Variants in R3HDM1 observed in about 807,000 individuals in gnomAD.
R3HDM1 encodes R3H domain containing 1, also known as R3H domain-containing protein 1.
R3HDM1 carries 46 observed loss-of-function variants against 141.1 expected under a neutral mutation model. The observed-to-expected ratio is 0.33, with a 90% CI of 0.26 to 0.42. R3HDM1 has a LOEUF of 0.42. Among genes scored for constraint, R3HDM1 ranks in the 10% least tolerant of loss-of-function variants. R3HDM1 has a pLI of 1.00. For missense variants in R3HDM1, 1,184 were observed against 1,368.3 expected, an observed-to-expected ratio of 0.87 and a Z score of 2.12; for synonymous variants, 435 against 472.9, an observed-to-expected ratio of 0.92 and a Z score of 1.04.
At chr2:135,576,624 G>C (rs891604534) in intron 1 of R3HDM1, among the ~76,000 whole-genome samples, 2 of 152,110 alleles carry the variant, frequency 1.3e-5, no homozygotes, top group Non-Finnish European at 2.9e-5. Context: ...ACTGATAATT[G>C]GATAAGCAGA....
intron 1 of R3HDM1, among the ~76,000 whole-genome samples, chr2:135,575,785 A>T (rs1292743219): frequency 7.9e-5 from 12 of 152,220 alleles, no homozygotes; most frequent in Non-Finnish European, 1.5e-5. Flanking sequence ...TTTGAATAGG[A>T]TGGCTCATCA....
intron 1 of R3HDM1, chr2:135,566,039 T>C (rs1045786207): frequency 6.6e-6 from 1 of 152,246 alleles, no homozygotes; most frequent in African/African-American, 2.4e-5. Flanking sequence ...CTAGCCGACA[T>C]GCAAGCCCTG....
At position 135,664,354 on chromosome 2, in the gene R3HDM1, GT is replaced by G. The variant is rs372910003; in HGVS notation, c.2152+2970del. ...CTTACCCCACAGTGTCAAGAAGCATGTTTTTTTTTAATTACATAAAAGGGTG... is the reference window on the plus strand; with the variant it reads ...CTTACCCCACAGTGTCAAGAAGCATGTTTTTTTTAATTACATAAAAGGGTG... On this transcript the variant is annotated intron_variant, in intron 19 of 26. Transcript: ENST00000683871. Among the ~76,000 whole-genome samples, 608 of 150,916 alleles carry G rather than the reference GT, an allele frequency of 4.0e-3. 7 individuals carry two copies. Among genetic ancestry groups the G allele is most frequent in the South Asian group, 0.034 (161 of 4,770 alleles).
chr2:135,556,001 A>AC, intron 1 of R3HDM1, among the ~76,000 whole-genome samples: 1 of 152,222 alleles, frequency 6.6e-6, no homozygotes, highest in Non-Finnish European at 1.5e-5. Flanking sequence ...GTGCAGTGGA[A>AC]CAAGACCCTG....
rs549666192 is a variant in R3HDM1, at chr2:135,653,228, C to T, written c.2028+1196C>T. Among the ~76,000 whole-genome samples the T allele has an allele frequency of 9.2e-5, 14 of 152,112 alleles. No homozygotes were observed. The East Asian group carries it at 1.9e-3, about 21-fold the overall frequency. Reference sequence around the variant, plus strand: ...AAAATTAGCTGGGCGTGGTGGTGCACGCCTGTAATCCCAACTACTGGAGAG... The same window carrying T: ...AAAATTAGCTGGGCGTGGTGGTGCATGCCTGTAATCCCAACTACTGGAGAG... On this transcript the variant is annotated intron_variant, in intron 18 of 26. Transcript: ENST00000683871.
Position 135,651,919 on chromosome 2 carries a change from C to A in R3HDM1, c.1915C>A (p.Pro639Thr). The change falls in exon 18 of 27, where the codon CCT becomes ACT. Residue 639 changes from proline (P) to threonine (T), a missense_variant. Coordinates refer to ENST00000683871, the MANE Select transcript of R3HDM1 (RefSeq NM_001378107.1). ...PPPPPPPPPP[P>T]PLPPGQPVPT... Reference sequence around the variant, plus strand: ...ACCGCCACCACCACCACCTCCTCCTCCTCCCCTACCACCTGGGCAGCCAGT... The same window carrying A: ...ACCGCCACCACCACCACCTCCTCCTACTCCCCTACCACCTGGGCAGCCAGT... 1 of 1,613,166 alleles carries A rather than the reference C, an allele frequency of 6.2e-7. No homozygotes were observed. Among genetic ancestry groups the A allele is most frequent in the East Asian group, 2.2e-5 (1 of 44,860 alleles).
intron 16 of R3HDM1, among the ~76,000 whole-genome samples, chr2:135,648,700 G>C (rs949532125): frequency 2.0e-5 from 3 of 150,594 alleles, no homozygotes; most frequent in Admixed American, 2.0e-4. Flanking sequence ...GTATAAATAT[G>C]AGAAAATTAA....
chr2:135,620,504 A>G, intron 5 of R3HDM1: 1 of 983,830 alleles, frequency 1.0e-6, no homozygotes, highest in African/African-American at 1.7e-5. Flanking sequence ...TTTACCCTAT[A>G]TTATGAACAC....
At chr2:135,595,887 G>C (rs975891552) in intron 1 of R3HDM1, among the ~76,000 whole-genome samples, 1 of 152,126 alleles carries the variant, frequency 6.6e-6, no homozygotes, top group African/African-American at 2.4e-5. Flanking sequence ...TTGTTTGCTA[G>C]AACAGGGTTA....
chr2:135,535,220 G>T lies in R3HDM1; in HGVS notation c.-250+3587G>T, dbSNP rs151186225. Among the ~76,000 whole-genome samples the T allele has an allele frequency of 3.9e-5, 6 of 152,150 alleles. No homozygotes were observed. The East Asian group carries it at 1.2e-3, about 29-fold the overall frequency. Reference sequence around the variant, plus strand: ...TAACTTAAGATAACTAAAATGAAGGGCCAGGCGGGGTGGCTCACACCTGTA... The same window carrying T: ...TAACTTAAGATAACTAAAATGAAGGTCCAGGCGGGGTGGCTCACACCTGTA... On this transcript the variant is annotated intron_variant, in intron 1 of 26. Transcript: ENST00000683871.
intron 21 of R3HDM1, among the ~76,000 whole-genome samples, chr2:135,687,817 C>G (rs1338184659): frequency 1.3e-5 from 2 of 152,074 alleles, no homozygotes; most frequent in Non-Finnish European, 2.9e-5. Flanking sequence ...TTTTGTTTAC[C>G]TCACTGAATT....
intron 1 of R3HDM1, among the ~76,000 whole-genome samples, chr2:135,552,240 G>C (rs992113737): frequency 6.6e-6 from 1 of 151,846 alleles, no homozygotes; most frequent in Admixed American, 6.6e-5. Flanking sequence ...CTCTCACCCA[G>C]GCTGGAGTGC....
intron 19 of R3HDM1, among the ~76,000 whole-genome samples, chr2:135,663,978 G>A (rs7574613): frequency 0.17 from 24,942 of 149,312 alleles, 2,755 homozygotes; most frequent in South Asian, 0.32. Flanking sequence ...AGGTTCCAGT[G>A]AGCTGAGATG....
At chr2:135,580,505 T>C (rs1706566426) in intron 1 of R3HDM1, among the ~76,000 whole-genome samples, 1 of 152,188 alleles carries the variant, frequency 6.6e-6, no homozygotes, top group Non-Finnish European at 1.5e-5. Context: ...CAACCATTGA[T>C]TTCTTTGCTT....
intron 1 of R3HDM1, chr2:135,577,043 A>AG (rs1573998361): frequency 1.2e-6 from 1 of 846,682 alleles, no homozygotes; most frequent in Non-Finnish European, 1.4e-6. Flanking sequence ...CTGTTACAAA[A>AG]GAAAAAAAAA....
intron 18 of R3HDM1, among the ~76,000 whole-genome samples, chr2:135,655,480 C>T (rs2065727798): frequency 1.3e-5 from 2 of 150,970 alleles, no homozygotes; most frequent in South Asian, 4.2e-4. Flanking sequence ...TTTTCTTTTT[C>T]TTTTTTTTGT....
chr2:135,555,876 C>T (rs575718512), intron 1 of R3HDM1, among the ~76,000 whole-genome samples: 1 of 152,168 alleles, frequency 6.6e-6, no homozygotes, highest in Admixed American at 6.5e-5. Context: ...ATTAGCTGGG[C>T]ATGGTGGCAT....
In R3HDM1 at chr2:135,722,002, A is replaced by G. The variant is rs376965792; in HGVS notation, c.2960A>G (p.Gln987Arg). 1.9e-6 allele frequency: 3 copies of G among 1,611,858 alleles called. No homozygotes were observed. The highest frequency in any genetic ancestry group is 2.7e-5 in the African/African-American group (2 of 74,904). Residue 987 changes from glutamine (Q) to arginine (R), a missense_variant, in exon 25 of 27, where the codon CAA becomes CGA. Transcript: ENST00000683871. ...PAVLHGHIPN[Q>R]QGQPGSRHGN... ...GTTCTGCACGGACACATTCCAAACC[A>G]ACAGGTAGGAAAGACAACTAACCTC...
chr2:135,560,037 C>A (rs1282669365), intron 1 of R3HDM1, among the ~76,000 whole-genome samples: 1 of 152,136 alleles, frequency 6.6e-6, no homozygotes, highest in Non-Finnish European at 1.5e-5. Context: ...TTTGAAATGA[C>A]CAAATGACAA....
Sources: gnomAD v4.1 joint callset for allele counts (sites outside exome capture counted in the v4.1 genomes callset) on GRCh38, gnomAD v4.1.1 for gene constraint, MANE v1.5 for transcripts, NCBI Gene and HGNC (gene_info 2026-07-23, HGNC 2026-07-21) for gene names.